Variants in TOP6BL observed in about 807,000 individuals in gnomAD.
The protein encoded by TOP6BL is type 2 DNA topoisomerase 6 subunit B-like.
At chr11:66,766,194 C>A in the TOP6BL span, among the ~76,000 whole-genome samples, 4 of 152,168 alleles carry the variant, frequency 2.6e-5, no homozygotes, top group Non-Finnish European at 5.9e-5. Context: ...AGTGGTCTGA[C>A]CCTTCTTTAG....
the TOP6BL span, chr11:66,843,366 C>G: frequency 3.1e-5 from 44 of 1,441,734 alleles, no homozygotes; most frequent in Non-Finnish European, 3.8e-5. Context: ...CCGGGCGGGG[C>G]GGGGCGGGGC....
the TOP6BL span, among the ~76,000 whole-genome samples, chr11:66,778,264 T>G: frequency 5.3e-5 from 8 of 152,156 alleles, 1 homozygote; most frequent in South Asian, 1.7e-3. Context: ...GTCATTAGCT[T>G]GACACCATGA....
At chr11:66,749,759 T>C in the TOP6BL span, among the ~76,000 whole-genome samples, 1 of 152,050 alleles carries the variant, frequency 6.6e-6, no homozygotes, top group African/African-American at 2.4e-5. Context: ...TTAATAGAGA[T>C]GGAGGTTTCA....
At chr11:66,745,035 T>A in the TOP6BL span, 2 of 1,103,108 alleles carry the variant, frequency 1.8e-6, no homozygotes, top group Non-Finnish European at 2.3e-6. Flanking sequence ...AGGAGGAAGG[T>A]TCGGGAATCG....
the TOP6BL span, among the ~76,000 whole-genome samples, chr11:66,793,095 T>G: frequency 1.5e-4 from 23 of 151,592 alleles, no homozygotes; most frequent in African/African-American, 5.1e-4. Flanking sequence ...TAATAATGTT[T>G]TTTTTTTTTT....
At chr11:66,753,660 C>G in the TOP6BL span, among the ~76,000 whole-genome samples, 1 of 151,918 alleles carries the variant, frequency 6.6e-6, no homozygotes, top group Non-Finnish European at 1.5e-5. Flanking sequence ...CCTGCCTTGG[C>G]CTCCCAAAGT....
the TOP6BL span, among the ~76,000 whole-genome samples, chr11:66,839,974 GACTTT>G: frequency 1.3e-5 from 2 of 152,134 alleles, no homozygotes; most frequent in African/African-American, 2.4e-5. Flanking sequence ...AGGAGGTAAT[GACTTT>G]CAGTTTGCCG....
the TOP6BL span, among the ~76,000 whole-genome samples, chr11:66,790,198 G>A: frequency 6.6e-6 from 1 of 152,122 alleles, no homozygotes; most frequent in Non-Finnish European, 1.5e-5. Flanking sequence ...GAACCCGGGA[G>A]GCGGAGCTTG....
At chr11:66,783,381 T>C in the TOP6BL span, among the ~76,000 whole-genome samples, 2 of 152,064 alleles carry the variant, frequency 1.3e-5, no homozygotes, top group African/African-American at 2.4e-5. Flanking sequence ...GACAGACAGA[T>C]AGATAGATGA....
the TOP6BL span, chr11:66,788,194 G>C: frequency 6.2e-7 from 1 of 1,613,900 alleles, no homozygotes; most frequent in South Asian, 1.1e-5. Flanking sequence ...TCTCTGCAAA[G>C]CTGACTTGGA....
chr11:66,805,696 C>T, the TOP6BL span, among the ~76,000 whole-genome samples: 3 of 152,118 alleles, frequency 2.0e-5, no homozygotes, highest in Non-Finnish European at 4.4e-5. Context: ...CTCAAGCGAT[C>T]CACCAGGCTC....
At chr11:66,758,987 T>C in the TOP6BL span, 1 of 1,317,096 alleles carries the variant, frequency 7.6e-7, no homozygotes, top group Non-Finnish European at 1.0e-6. Context: ...ATTTGATTCT[T>C]TCAATAGAAT....
the TOP6BL span, among the ~76,000 whole-genome samples, chr11:66,822,381 AATTTT>A: frequency 5.3e-5 from 8 of 152,292 alleles, no homozygotes; most frequent in Admixed American, 4.6e-4. Context: ...AACATTTTAA[AATTTT>A]ATTTTAATTC....
At chr11:66,820,254 C>T in the TOP6BL span, among the ~76,000 whole-genome samples, 2 of 152,178 alleles carry the variant, frequency 1.3e-5, no homozygotes, top group East Asian at 3.8e-4. Flanking sequence ...CCATATATTA[C>T]GTTCCCTACC....
chr11:66,799,615 G>A, the TOP6BL span, among the ~76,000 whole-genome samples: 1 of 151,968 alleles, frequency 6.6e-6, no homozygotes, highest in Non-Finnish European at 1.5e-5. Context: ...GGGAGGCTGA[G>A]GCAGGAGAAT....
At chr11:66,808,865 CAAAAAGA>C in the TOP6BL span, among the ~76,000 whole-genome samples, 185 of 152,106 alleles carry the variant, frequency 1.2e-3, 2 homozygotes, top group East Asian at 0.021. Flanking sequence ...AATTGATGTC[CAAAAAGA>C]GAAGAGAGAA....
the TOP6BL span, among the ~76,000 whole-genome samples, chr11:66,805,359 T>C: frequency 6.6e-6 from 1 of 152,130 alleles, no homozygotes; most frequent in African/African-American, 2.4e-5. Context: ...ATTATTAAGG[T>C]AGGGAGAGAT....
chr11:66,839,115 A>G, the TOP6BL span: 1 of 456,234 alleles, frequency 2.2e-6, no homozygotes, highest in Admixed American at 2.3e-5. Flanking sequence ...TCTTTTCTCC[A>G]TACATGTCTC....
the TOP6BL span, chr11:66,842,737 G>C: frequency 9.3e-7 from 1 of 1,077,510 alleles, no homozygotes; most frequent in Non-Finnish European, 1.3e-6. Context: ...TGCTGACAGG[G>C]ATGCGGTGGG....
Sources: gnomAD v4.1 joint callset for allele counts (sites outside exome capture counted in the v4.1 genomes callset) on GRCh38, gnomAD v4.1.1 for gene constraint, MANE v1.5 for transcripts, NCBI Gene and HGNC (gene_info 2026-07-23, HGNC 2026-07-21) for gene names.